Variants in COL5A1 observed in about 807,000 individuals in gnomAD.
COL5A1 encodes collagen alpha-1(V) chain.
Under a neutral mutation model 263.7 loss-of-function variants are expected in COL5A1, and 16 were observed. The observed-to-expected ratio is 0.06, with a 90% confidence interval of 0.04 to 0.09. The LOEUF is 0.09. Ranked by LOEUF, COL5A1 falls within the 10% of genes least tolerant of loss-of-function variation. The pLI, the probability that COL5A1 is intolerant of heterozygous loss-of-function variation, is 1.00. For missense variants in COL5A1, 2,036 were observed against 2,540.5 expected, an observed-to-expected ratio of 0.80 and a Z score of 4.27; for synonymous variants, 1,012 against 1,004.5, an observed-to-expected ratio of 1.01 and a Z score of -0.14.
At chr9:134,756,316 A>C (rs574503344) in intron 16 of COL5A1, among the ~76,000 whole-genome samples, 1 of 152,218 alleles carries the variant, frequency 6.6e-6, no homozygotes, top group East Asian at 1.9e-4. Context: ...AAGTGGACAA[A>C]CCAGATGTGT....
chr9:134,695,924 G>A (rs1394897128), intron 2 of COL5A1, among the ~76,000 whole-genome samples: 1 of 152,074 alleles, frequency 6.6e-6, no homozygotes, highest in Admixed American at 6.5e-5. Context: ...TTCTGGTCGG[G>A]ACTGAAGATG....
At chr9:134,840,981 C>T (rs1336114501) in intron 65 of COL5A1, among the ~76,000 whole-genome samples, 1 of 152,234 alleles carries the variant, frequency 6.6e-6, no homozygotes, top group Non-Finnish European at 1.5e-5. Context: ...GAGCAGAATA[C>T]CGGGAGAGCT....
At position 134,731,419 on chromosome 9, in the gene COL5A1, G is replaced by A. The variant is rs908065742; in HGVS notation, c.1165-77G>A. On this transcript the variant is annotated intron_variant, in intron 7 of 65. Transcript: ENST00000371817. ...GCCCAGTTGACCGGATAGCCACAGTGCCCGCCCAGGGCCTGATGGAGAGGC... is the reference window on the plus strand; with the variant it reads ...GCCCAGTTGACCGGATAGCCACAGTACCCGCCCAGGGCCTGATGGAGAGGC... 1.7e-5 allele frequency: 25 copies of A among 1,474,542 alleles called. No individual in the cohort carries two copies. The Admixed American group carries it at 2.9e-4, about 17-fold the overall frequency. The allele number at this position is 1,474,542 out of a possible 1,614,324, so 91.3% of individuals were successfully genotyped here.
chr9:134,840,185 G>A (rs914366042), intron 65 of COL5A1, among the ~76,000 whole-genome samples: 1 of 152,234 alleles, frequency 6.6e-6, no homozygotes, highest in Non-Finnish European at 1.5e-5. Flanking sequence ...GCTGTAGGGG[G>A]TTAACAAGCT....
In COL5A1 at chr9:134,740,544, C is replaced by G. The variant is rs78749755; in HGVS notation, c.1494+1736C>G. 0.014 allele frequency among the ~76,000 whole-genome samples: 2,154 copies of G among 152,352 alleles called. 149 individuals are homozygous for G. The East Asian group carries it at 0.22, about 16-fold the overall frequency. ...AATGCCGGTTGACACACAGGGCACC[C>G]AGATGCTGACTGACACTGCCTCAGT... is the stretch of plus-strand genomic sequence containing the variant. On this transcript the variant is annotated intron_variant, in intron 11 of 65. Transcript: ENST00000371817.
chr9:134,836,731 G>A (rs1402034440), intron 65 of COL5A1, among the ~76,000 whole-genome samples: 5 of 152,196 alleles, frequency 3.3e-5, no homozygotes, highest in South Asian at 4.1e-4. Context: ...CCCATAGGAC[G>A]CTCAGCTCCT....
chr9:134,791,748 G>GATTTGGA (rs79223101), intron 32 of COL5A1, among the ~76,000 whole-genome samples: 84,069 of 151,284 alleles, frequency 0.56, 23,735 homozygotes, highest in Non-Finnish European at 0.6. Flanking sequence ...TTTGCCTTGG[G>GATTTGGA]CTTTGGACTT....
Position 134,750,840 on chromosome 9 carries a change from A to G in COL5A1, c.1620A>G (p.Ser540=). The G allele has an allele frequency of 6.2e-7, 1 of 1,613,174 alleles. No homozygotes were observed. Among genetic ancestry groups the G allele is most frequent in the East Asian group, 2.2e-5 (1 of 44,870 alleles). The part of the protein sequence containing the change: ...GDAGSKGPMV[S]AQESQAQAIL... ...CGGGCTCCAAAGGCCCCATGGTCTC[A>G]GCCCAGGAGTCCCAGGCGCAAGCCA... Residue 540 remains serine, a synonymous_variant, in exon 13 of 66, where the codon TCA becomes TCG. Transcript: ENST00000371817.
chr9:134,743,431 A>G (rs764962809), intron 11 of COL5A1, among the ~76,000 whole-genome samples: 5 of 152,156 alleles, frequency 3.3e-5, no homozygotes, highest in Non-Finnish European at 7.3e-5. Flanking sequence ...CAGCATATTT[A>G]TTACTTTTGG....
rs1833460994 is a variant in COL5A1, at chr9:134,696,220, C to A, written c.278-3689C>A. On this transcript the variant is annotated intron_variant, in intron 2 of 65. Transcript: ENST00000371817. The surrounding 1 kb of genome is among the most constrained non-coding windows in gnomAD (Gnocchi z 4.3). ...ACAGAGTCTCACTCTGTCGCCCAGG[C>A]TGGAGTGCAGTGGTGTAATCTTGGC... Among the ~76,000 whole-genome samples, 1 of 152,160 alleles carries A rather than the reference C, an allele frequency of 6.6e-6. No individual in the cohort carries two copies. Among genetic ancestry groups the A allele is most frequent in the Non-Finnish European group, 1.5e-5 (1 of 68,032 alleles).
intron 63 of COL5A1, among the ~76,000 whole-genome samples, chr9:134,828,053 G>A (rs963172213): frequency 6.6e-6 from 1 of 152,182 alleles, no homozygotes; most frequent in African/African-American, 2.4e-5. Context: ...TCCTCATGGC[G>A]CACAACGTGA....
rs923238352 is a variant in COL5A1, at chr9:134,805,051, T to A, written c.3191T>A (p.Leu1064His). The change falls in exon 40 of 66, where the codon CTT (leucine) becomes CAT (histidine). Residue 1064 changes from leucine (L) to histidine (H), a missense_variant. Leu to His is a moderately conservative substitution (Grantham distance 99). Coordinates refer to ENST00000371817, the MANE Select transcript of COL5A1 (RefSeq NM_000093.5). ...GLRGFPGDRG[L>H]PGPVGALGLK... ...CGTGGTTTCCCTGGGGACCGAGGGC[T>A]TCCTGGTCCAGTGGTGAGTGAGAGG... is the stretch of plus-strand genomic sequence containing the variant. 2 of 1,613,804 alleles carry A rather than the reference T, an allele frequency of 1.2e-6. No homozygotes were observed. The highest frequency in any genetic ancestry group is 1.7e-6 in the Non-Finnish European group (2 of 1,179,962).
chr9:134,669,240 C>CCCTTT, intron 1 of COL5A1, among the ~76,000 whole-genome samples: 1 of 47,024 alleles, frequency 2.1e-5, no homozygotes, highest in Non-Finnish European at 3.9e-5. Flanking sequence ...CCCTTTCCTT[C>CCCTTT]CCTTCCCTTC....
chr9:134,728,548 T>C, intron 5 of COL5A1, 122 bp from the exon 6 acceptor site: 1 of 1,420,748 alleles, frequency 7.0e-7, no homozygotes, highest in Non-Finnish European at 9.9e-7. Context: ...ACAGGGAGGT[T>C]CACGCCTGGG....
intron 27 of COL5A1, among the ~76,000 whole-genome samples, chr9:134,775,392 G>A (rs1354386550): frequency 6.6e-6 from 1 of 152,242 alleles, no homozygotes; most frequent in Non-Finnish European, 1.5e-5. Flanking sequence ...ATAGCATCTG[G>A]GTGGGCCAGC....
Position 134,642,240 on chromosome 9 carries a change from C to G in COL5A1, c.53C>G (p.Pro18Arg), listed in dbSNP as rs1367516173. The change falls in exon 1 of 66, where the codon CCG becomes CGG. Residue 18 changes from proline (P) to arginine (R), a missense_variant. This residue lies in a region of COL5A1 where 600 missense variants were observed against 634.5 expected (regional missense o/e 0.95). Transcript: ENST00000371817. The surrounding 1 kb of genome is among the most constrained non-coding windows in gnomAD (Gnocchi z 4.5). ...KARSALRPGA[P>R]LLPPLLLLLL... ...CGCAGCGCGCTCCGCCCGGGCGCCC[C>G]GCTGCTGCCCCCGCTGCTGCTGCTG... The G allele has an allele frequency of 1.3e-5, 17 of 1,290,262 alleles. No individual in the cohort carries two copies. The highest frequency in any genetic ancestry group is 6.9e-5 in the East Asian group (2 of 29,036). The allele number at this position is 1,290,262 out of a possible 1,614,324, so 79.9% of individuals were successfully genotyped here. A position where few individuals can be genotyped will look rare whatever the true frequency, so the allele number is the denominator to read the frequency against.
rs140312277 is a variant in COL5A1, at chr9:134,778,397, G to A, written c.2386-1705G>A. Among the ~76,000 whole-genome samples the A allele has an allele frequency of 3.4e-3, 511 of 152,374 alleles. 1 individual carries two copies. Among genetic ancestry groups the A allele is most frequent in the African/African-American group, 0.012 (483 of 41,594 alleles). On this transcript the variant is annotated intron_variant, in intron 27 of 65. Coordinates refer to ENST00000371817, the MANE Select transcript of COL5A1 (RefSeq NM_000093.5). Reference sequence around the variant, plus strand: ...AGCAGGCTGTTCTGAGCCTCCTCGCGGCTTGGCTGGTCGTTCCCACTCAGC... The same window carrying A: ...AGCAGGCTGTTCTGAGCCTCCTCGCAGCTTGGCTGGTCGTTCCCACTCAGC...
rs552774072 is a variant in COL5A1, at chr9:134,794,786, G to A, written c.2701-296G>A. 3.9e-5 allele frequency among the ~76,000 whole-genome samples: 6 copies of A among 152,216 alleles called. No individual in the cohort carries two copies. Among genetic ancestry groups the A allele is most frequent in the South Asian group, 2.1e-4 (1 of 4,812 alleles). On this transcript the variant is annotated intron_variant, in intron 32 of 65. Coordinates refer to ENST00000371817, the MANE Select transcript of COL5A1 (RefSeq NM_000093.5). This position sits in a 1 kb window ranked among gnomAD's most constrained non-coding sequence, Gnocchi z 4.3. Reference sequence around the variant, plus strand: ...GAGGAAGGAGGAGGAGGGATGTAGCGGTGCTCTGAGGAAAGAAACCAGATA... The same window carrying A: ...GAGGAAGGAGGAGGAGGGATGTAGCAGTGCTCTGAGGAAAGAAACCAGATA...
At position 134,642,744 on chromosome 9, in the gene COL5A1, G is replaced by T. The variant is rs1411359960; in HGVS notation, c.109+448G>T. On this transcript the variant is annotated intron_variant, in intron 1 of 65. Coordinates refer to ENST00000371817, the MANE Select transcript of COL5A1 (RefSeq NM_000093.5). This position sits in a 1 kb window ranked among gnomAD's most constrained non-coding sequence, Gnocchi z 4.5. The stretch of plus-strand genomic sequence containing the variant: ...TTCAAATCCCGGGACTCCTGGGGAT[G>T]GGGGGAATCCCAGAAGCCTGGGCCC... 6.6e-6 allele frequency among the ~76,000 whole-genome samples: 1 copy of T among 152,218 alleles called. No homozygotes were observed. Among genetic ancestry groups the T allele is most frequent in the Non-Finnish European group, 1.5e-5 (1 of 68,032 alleles).
Sources: allele counts gnomAD v4.1 joint callset (sites outside exome capture counted in the v4.1 genomes callset), GRCh38; gene constraint gnomAD v4.1.1; regional missense constraint gnomAD v4.1.1; non-coding constraint Gnocchi (gnomAD v3.1); transcripts MANE v1.5; gene names NCBI Gene and HGNC (gene_info 2026-07-23, HGNC 2026-07-21).